The following SIAH3 variants were observed in gnomAD, a reference collection of about 807,000 sequenced individuals.
SIAH3 encodes the protein siah E3 ubiquitin protein ligase family member 3, also known as seven in absentia homolog 3.
A neutral mutation model predicts 12.6 loss-of-function variants in SIAH3; 9 were observed. The observed-to-expected ratio is 0.72, with a 90% confidence interval of 0.43 to 1.25. The LOEUF (loss-of-function observed/expected upper bound fraction) is 1.25, where lower values mean the gene tolerates loss of function less well. Ranked by LOEUF, SIAH3 falls within the 50% of genes most tolerant of loss-of-function variation. The pLI, the probability that SIAH3 is intolerant of heterozygous loss-of-function variation, is 0.00. For synonymous variants in SIAH3, 154 were observed against 151.1 expected (o/e 1.02, Z -0.14); for missense variants, 390 against 365.4 (o/e 1.07, Z -0.55).
intron 1 of SIAH3, among the ~76,000 whole-genome samples, chr13:45,799,700 C>A (rs1245549156): frequency 6.6e-6 from 1 of 152,186 alleles, no homozygotes; most frequent in Non-Finnish European, 1.5e-5. Context: ...CCCAGGCTTC[C>A]CGCTCCTCTC....
intron 1 of SIAH3, among the ~76,000 whole-genome samples, chr13:45,805,008 AC>A (rs1213846433): frequency 3.5e-5 from 5 of 142,652 alleles, no homozygotes; most frequent in East Asian, 2.0e-4. Flanking sequence ...ACACACACAC[AC>A]AAAATACTTT....
chr13:45,794,308 T>C (rs1358127428), intron 1 of SIAH3, among the ~76,000 whole-genome samples: 1 of 152,160 alleles, frequency 6.6e-6, no homozygotes, highest in Non-Finnish European at 1.5e-5. Flanking sequence ...AGCCTATAGG[T>C]CCTTCCCAGG....
At chr13:45,791,784 C>T (rs543321015) in intron 1 of SIAH3, among the ~76,000 whole-genome samples, 266 of 152,248 alleles carry the variant, frequency 1.7e-3, no homozygotes, top group African/African-American at 6.1e-3. Flanking sequence ...TTGCTTCTCC[C>T]AATTTGGGAA....
chr13:45,835,376 T>A (rs1950714184), intron 1 of SIAH3, among the ~76,000 whole-genome samples: 1 of 152,166 alleles, frequency 6.6e-6, no homozygotes, highest in Admixed American at 6.5e-5. Context: ...TTCACTACAC[T>A]AGCATCAGGA....
intron 1 of SIAH3, among the ~76,000 whole-genome samples, chr13:45,850,204 C>A (rs1050838142): frequency 2.0e-5 from 3 of 152,220 alleles, no homozygotes; most frequent in African/African-American, 7.2e-5. Flanking sequence ...TCGCCCCTCC[C>A]CCAGGACTGG....
intron 1 of SIAH3, among the ~76,000 whole-genome samples, chr13:45,836,303 A>C (rs1397089969): frequency 6.6e-6 from 1 of 152,242 alleles, no homozygotes; most frequent in Non-Finnish European, 1.5e-5. Flanking sequence ...ACATGGAATC[A>C]ATCTAAATGC....
chr13:45,811,177 C>T (rs942858482), intron 1 of SIAH3, among the ~76,000 whole-genome samples: 2 of 152,174 alleles, frequency 1.3e-5, no homozygotes, highest in African/African-American at 4.8e-5. Flanking sequence ...AAAACTTTGG[C>T]ATATTGCCTG....
At chr13:45,827,382 A>G (rs893801847) in intron 1 of SIAH3, among the ~76,000 whole-genome samples, 8 of 152,222 alleles carry the variant, frequency 5.3e-5, no homozygotes, top group African/African-American at 1.7e-4. Context: ...GAACTATGCT[A>G]GAAACCATCT....
At chr13:45,818,173 T>C (rs1220728397) in intron 1 of SIAH3, among the ~76,000 whole-genome samples, 2 of 152,200 alleles carry the variant, frequency 1.3e-5, no homozygotes, top group Non-Finnish European at 2.9e-5. Context: ...CCCGCAGTGG[T>C]AACTTGCTTG....
intron 1 of SIAH3, among the ~76,000 whole-genome samples, chr13:45,842,213 G>C (rs1262336359): frequency 6.6e-6 from 1 of 152,184 alleles, no homozygotes; most frequent in Non-Finnish European, 1.5e-5. Flanking sequence ...CCAAACTTAG[G>C]CAAAGGAACT....
intron 1 of SIAH3, among the ~76,000 whole-genome samples, chr13:45,815,866 C>T (rs895248810): frequency 2.6e-5 from 4 of 152,152 alleles, no homozygotes; most frequent in African/African-American, 4.8e-5. Flanking sequence ...CGACAGAGGC[C>T]GTTAAGGTGA....
At chr13:45,815,794 G>A (rs1310373520) in intron 1 of SIAH3, among the ~76,000 whole-genome samples, 2 of 152,196 alleles carry the variant, frequency 1.3e-5, no homozygotes, top group African/African-American at 4.8e-5. Context: ...CCTGAAATGA[G>A]ACTCAAGTCT....
At chr13:45,808,775 T>C (rs1950606699) in intron 1 of SIAH3, among the ~76,000 whole-genome samples, 1 of 152,158 alleles carries the variant, frequency 6.6e-6, no homozygotes, top group African/African-American at 2.4e-5. Context: ...CTGGGCACAG[T>C]AGGGAATCTC....
chr13:45,833,362 A>G (rs909383780), intron 1 of SIAH3, among the ~76,000 whole-genome samples: 2 of 152,104 alleles, frequency 1.3e-5, no homozygotes, highest in African/African-American at 2.4e-5. Context: ...CCCTCAGGCT[A>G]TTGTGTAGCT....
chr13:45,798,153 T>G (rs991468800), intron 1 of SIAH3, among the ~76,000 whole-genome samples: 1 of 152,268 alleles, frequency 6.6e-6, no homozygotes, highest in African/African-American at 2.4e-5. Context: ...ATTCTCCATT[T>G]TTATGGCTAC....
chr13:45,839,896 C>G (rs912772791), intron 1 of SIAH3, among the ~76,000 whole-genome samples: 4 of 152,136 alleles, frequency 2.6e-5, no homozygotes, highest in Non-Finnish European at 5.9e-5. Context: ...GGGCTTAGCT[C>G]TTTGTAGAAG....
rs1349500668 is a variant in SIAH3, at chr13:45,782,239, G to T, written c.*1144C>A. On this transcript the variant is annotated 3_prime_UTR_variant, in exon 2 of 2. Coordinates refer to ENST00000400405, the MANE Select transcript of SIAH3 (RefSeq NM_198849.3). Reference sequence around the variant, plus strand: ...CACTGTGTCATTCATACTGCAACAGGTGCTGAATACATACTTGAGCCGTGG... The same window carrying T: ...CACTGTGTCATTCATACTGCAACAGTTGCTGAATACATACTTGAGCCGTGG... 6.6e-6 allele frequency: 1 copy of T among 152,234 alleles called. No homozygotes were observed. The highest frequency in any genetic ancestry group is 2.4e-5 in the African/African-American group (1 of 41,452). The allele number at this position is 152,234 out of a possible 1,614,324, so 9.4% of individuals were successfully genotyped here. A position where few individuals can be genotyped will look rare whatever the true frequency, so the allele number is the denominator to read the frequency against.
intron 1 of SIAH3, among the ~76,000 whole-genome samples, chr13:45,848,121 T>C (rs572431023): frequency 2.6e-5 from 4 of 152,236 alleles, no homozygotes; most frequent in African/African-American, 9.6e-5. Context: ...GCAGGCGCCC[T>C]CATGAGCGCC....
chr13:45,794,468 C>T (rs1048027631), intron 1 of SIAH3, among the ~76,000 whole-genome samples: 1 of 152,122 alleles, frequency 6.6e-6, no homozygotes, highest in Non-Finnish European at 1.5e-5. Context: ...TTGGCTGTGT[C>T]CCCACCCACA....
Sources: gnomAD v4.1 joint callset for allele counts (sites outside exome capture counted in the v4.1 genomes callset) on GRCh38, gnomAD v4.1.1 for gene constraint, MANE v1.5 for transcripts, NCBI Gene and HGNC (gene_info 2026-07-23, HGNC 2026-07-21) for gene names.